Variants in ARR3 observed in about 807,000 individuals in gnomAD.
ARR3 encodes the protein arrestin 3, also known as arrestin-C.
ARR3 carries 14 observed loss-of-function variants against 35.4 expected under a neutral mutation model. That is an observed-to-expected ratio of 0.40 (90% CI 0.26 to 0.62). ARR3 has a LOEUF of 0.62. Ranked by LOEUF, ARR3 falls within the 20% of genes least tolerant of loss-of-function variation. ARR3 has a pLI of 0.46. For synonymous variants in ARR3, 97 were observed against 119.1 expected (o/e 0.81, Z 1.21); for missense variants, 259 against 303.8 (o/e 0.85, Z 1.10).
chrX:70,276,970 G>A (rs1007611638), intron 8 of ARR3, among the ~76,000 whole-genome samples: 13 of 112,298 alleles, frequency 1.2e-4, no homozygotes, highest in South Asian at 3.7e-4. Context: ...TATAGTCTCC[G>A]TTGCAACTAC....
intron 5 of ARR3, among the ~76,000 whole-genome samples, chrX:70,273,214 C>CTTTTTT (rs59650423): frequency 8.4e-4 from 35 of 41,630 alleles, no homozygotes; most frequent in South Asian, 2.6e-3. Context: ...GAAAGGATTC[C>CTTTTTT]TTTTTTTTTT....
intron 12 of ARR3, among the ~76,000 whole-genome samples, chrX:70,278,965 C>T (rs1208974012): frequency 8.9e-6 from 1 of 112,929 alleles, no homozygotes; most frequent in Admixed American, 9.3e-5. Flanking sequence ...ACTAAAGTAG[C>T]CTGGACAGGT....
Position 70,269,354 on chromosome X carries a change from A to T in ARR3, c.-30-2A>T. 8.3e-7 allele frequency: 1 copy of T among 1,205,549 alleles called. No homozygotes were observed. Among genetic ancestry groups the T allele is most frequent in the Non-Finnish European group, 1.1e-6 (1 of 893,036 alleles). ...GAGCCTTTCTTCTTTCCCTTTTCCC[A>T]GAAAAGGCTCAACATCAACTATATA... is the stretch of plus-strand genomic sequence containing the variant. On this transcript the variant is annotated splice_acceptor_variant, in intron 1 of 16. Transcript: ENST00000307959. LOFTEE classifies it low-confidence loss of function (5UTR_SPLICE).
At chrX:70,276,385 G>C (rs764813298) in intron 6 of ARR3, 48 bp from the exon 7 acceptor site, 24 of 1,195,877 alleles carry the variant, frequency 2.0e-5, no homozygotes, top group Non-Finnish European at 2.5e-5. Context: ...TTTTGTATTT[G>C]TTTGTATTCT....
rs746178806 is a variant in ARR3 at position 70,277,404 on chromosome X, C to A, written c.484C>A (p.Arg162=). Residue 162 remains arginine, a synonymous_variant, in exon 9 of 17, where the codon CGG becomes AGG. Coordinates refer to ENST00000307959, the MANE Select transcript of ARR3 (RefSeq NM_004312.3). ...EETVSKRDYV[R]LVVRKVQFAP... ...TTGGTCTCTGCTCAGAGACTATGTG[C>A]GGCTGGTTGTCCGGAAAGTACAATT... 1 of 1,209,100 alleles carries A rather than the reference C, an allele frequency of 8.3e-7. No homozygotes were observed.
intron 5 of ARR3, 59 bp downstream of exon 5, chrX:70,270,203 T>C (rs896043781): frequency 2.7e-6 from 3 of 1,120,324 alleles, no homozygotes; most frequent in Admixed American, 4.4e-5. Flanking sequence ...GATGAGTGGA[T>C]TGCACCAGAG....
At chrX:70,270,171 G>C in intron 5 of ARR3, 27 bp downstream of exon 5, 1 of 1,196,919 alleles carries the variant, frequency 8.4e-7, no homozygotes, top group Non-Finnish European at 1.1e-6. Flanking sequence ...GTTGGTCTTT[G>C]TATGTTTCAG....
At chrX:70,275,983 C>G (rs1488427023) in intron 5 of ARR3, 99 bp from the exon 6 acceptor site, 1 of 976,986 alleles carries the variant, frequency 1.0e-6, no homozygotes, top group Non-Finnish European at 1.4e-6. Context: ...AGCCAGCCTT[C>G]GATCATATTA....
At position 70,278,568 on chromosome X, in the gene ARR3, A is replaced by G; in HGVS notation, c.832A>G (p.Ser278Gly). The change falls in exon 12 of 17, where the codon AGC (serine) becomes GGC (glycine). Residue 278 changes from serine to glycine, a missense_variant. Ser to Gly is a moderately conservative substitution (Grantham distance 56). Transcript: ENST00000307959. ...TGCAGTAACCCCAATCCTGGCTGCC[A>G]GCTGCCAGAAACGGGGCCTGGCACT... ...SFAVTPILAA[S>G]CQKRGLALDG... 8.3e-7 allele frequency: 1 copy of G among 1,211,787 alleles called. No homozygotes were observed. The highest frequency in any genetic ancestry group is 1.1e-6 in the Non-Finnish European group (1 of 895,256).
At position 70,274,322 on chromosome X, in the gene ARR3, C is replaced by T. The variant is rs111443809; in HGVS notation, c.146-1760C>T. Among the ~76,000 whole-genome samples, 531 of 109,396 alleles carry T rather than the reference C, an allele frequency of 4.9e-3. 6 individuals are homozygous for T. Among genetic ancestry groups the T allele is most frequent in the African/African-American group, 0.017 (514 of 29,974 alleles). The allele number at this position is 109,396 out of a possible 115,157, so 95.0% of individuals were successfully genotyped here. On this transcript the variant is annotated intron_variant, in intron 5 of 16. Coordinates refer to ENST00000307959, the MANE Select transcript of ARR3 (RefSeq NM_004312.3). ...GTTCAAGCGATTCTCCTGCCTCAGC[C>T]TCCTGAGTAGCTGGAATTACAGGTG...
At position 70,273,178 on chromosome X, in the gene ARR3, A is replaced by G. The variant is rs553710026; in HGVS notation, c.146-2904A>G. On this transcript the variant is annotated intron_variant, in intron 5 of 16. Transcript: ENST00000307959. ...ATCATCATCATCACCATCATCATCC[A>G]CATCTATAATTATTTTGAAGTTTCC... 1.3e-3 allele frequency among the ~76,000 whole-genome samples: 133 copies of G among 102,768 alleles called. 2 individuals are homozygous for G. In the South Asian group the frequency reaches 0.058, roughly 45 times the overall value. The allele number at this position is 102,768 out of a possible 115,157, so 89.2% of individuals were successfully genotyped here. A position where few individuals can be genotyped will look rare whatever the true frequency, so the allele number is the denominator to read the frequency against.
intron 5 of ARR3, among the ~76,000 whole-genome samples, chrX:70,275,073 C>T (rs1217484297): frequency 1.8e-5 from 2 of 112,433 alleles, no homozygotes; most frequent in African/African-American, 3.2e-5. Flanking sequence ...GTTGATGCGA[C>T]GGCCATTATC....
intron 11 of ARR3, 59 bp from the exon 12 acceptor site, chrX:70,278,445 T>C: frequency 4.3e-6 from 5 of 1,164,666 alleles, no homozygotes; most frequent in Non-Finnish European, 5.8e-6. Flanking sequence ...CTCTTGGGAG[T>C]AAAAGTATGC....
At chrX:70,277,672 T>C in intron 9 of ARR3, 44 bp from the exon 10 acceptor site, 1 of 1,187,645 alleles carries the variant, frequency 8.4e-7, no homozygotes, top group East Asian at 3.0e-5. Context: ...TCCATCTGCG[T>C]ATTCGTCCTC....
chrX:70,273,404 T>C (rs1424983457), intron 5 of ARR3, among the ~76,000 whole-genome samples: 1 of 110,061 alleles, frequency 9.1e-6, no homozygotes, highest in Non-Finnish European at 1.9e-5. Flanking sequence ...GTGTTTTTAG[T>C]AAAGACAGGG....
Position 70,277,677 on chromosome X carries a change from G to A in ARR3, c.610-39G>A, listed in dbSNP as rs772862063. ...GTTCTAGGTCTCCATCTGCGTATTC[G>A]TCCTCCAGCCTTGACATGGGTCCCC... On this transcript the variant is annotated intron_variant, in intron 9 of 16. Coordinates refer to ENST00000307959, the MANE Select transcript of ARR3 (RefSeq NM_004312.3). 62 of 1,188,107 alleles carry A rather than the reference G, an allele frequency of 5.2e-5. 1 individual carries two copies. The highest frequency in any genetic ancestry group is 3.1e-4 in the Admixed American group (14 of 45,202).
intron 5 of ARR3, among the ~76,000 whole-genome samples, chrX:70,274,389 C>T (rs148330491): frequency 0.022 from 2,385 of 110,151 alleles, 64 homozygotes; most frequent in African/African-American, 0.065. Context: ...TTAGTAGAGA[C>T]GGGTTATCAC....
intron 1 of ARR3, 56 bp from the exon 2 acceptor site, chrX:70,269,300 G>T: frequency 1.7e-6 from 2 of 1,154,779 alleles, no homozygotes; most frequent in East Asian, 3.1e-5. Context: ...ATGCTGGAGT[G>T]GGGTGAGAAG....
intron 10 of ARR3, 65 bp downstream of exon 10, chrX:70,277,865 A>C: frequency 9.7e-7 from 1 of 1,031,720 alleles, no homozygotes; most frequent in Non-Finnish European, 1.3e-6. Context: ...CCAAAATTCT[A>C]TCTCACTTAC....
Sources: gnomAD v4.1 joint callset for allele counts (sites outside exome capture counted in the v4.1 genomes callset) on GRCh38, gnomAD v4.1.1 for gene constraint, MANE v1.5 for transcripts, NCBI Gene and HGNC (gene_info 2026-07-23, HGNC 2026-07-21) for gene names.